The following ABCC12 variants were observed in gnomAD, a reference collection of about 807,000 sequenced individuals.
ABCC12 encodes the protein ATP-binding cassette sub-family C member 12.
Under a neutral mutation model 151.1 loss-of-function variants are expected in ABCC12, and 142 were observed. The ratio of observed to expected loss-of-function variants is 0.94; its 90% CI spans 0.82 to 1.08. ABCC12 has a LOEUF of 1.08. Among genes scored for constraint, ABCC12 ranks in the 50% least tolerant of loss-of-function variants. ABCC12 has a pLI of 0.00. For missense variants in ABCC12, 1,638 were observed against 1,691.1 expected (o/e 0.97, Z 0.55); for synonymous variants, 645 against 646.4 (o/e 1.00, Z 0.03).
chr16:48,136,433 TC>T (rs773069445), intron 8 of ABCC12, among the ~76,000 whole-genome samples: 2 of 151,972 alleles, frequency 1.3e-5, no homozygotes, highest in Non-Finnish European at 2.9e-5. Flanking sequence ...TCCTCCATCT[TC>T]CCCCATAGAA....
intron 24 of ABCC12, among the ~76,000 whole-genome samples, chr16:48,093,540 C>G (rs1962987607): frequency 6.6e-6 from 1 of 152,156 alleles, no homozygotes; most frequent in Non-Finnish European, 1.5e-5. Flanking sequence ...ATTTAAACAC[C>G]TTCTGAGCTT....
chr16:48,135,889 AC>A (rs1393144557), intron 8 of ABCC12, among the ~76,000 whole-genome samples: 1 of 151,914 alleles, frequency 6.6e-6, no homozygotes, highest in East Asian at 1.9e-4. Flanking sequence ...TTTGTCCTCA[AC>A]CCCAATTCCA....
chr16:48,092,390 C>T (rs972956872), intron 24 of ABCC12, among the ~76,000 whole-genome samples: 8 of 152,158 alleles, frequency 5.3e-5, no homozygotes, highest in Admixed American at 6.5e-5. Context: ...GAGCACACCT[C>T]GGAACTGTCC....
intron 24 of ABCC12, 59 bp downstream of exon 24, chr16:48,096,687 C>T (rs1010230017): frequency 1.3e-5 from 21 of 1,571,532 alleles, no homozygotes; most frequent in South Asian, 5.6e-5. Flanking sequence ...AAAGCACCCT[C>T]GCTGATGTAT....
intron 14 of ABCC12, 40 bp downstream of exon 14, chr16:48,117,221 T>C (rs1963911945): frequency 1.3e-6 from 2 of 1,589,174 alleles, no homozygotes; most frequent in East Asian, 4.5e-5. Flanking sequence ...AAATGTACTG[T>C]GTGCAGCTAC....
At chr16:48,090,526 G>C (rs1273901542) in intron 25 of ABCC12, among the ~76,000 whole-genome samples, 7 of 150,424 alleles carry the variant, frequency 4.7e-5, no homozygotes, top group Admixed American at 1.3e-4. Context: ...TTACAGGTGT[G>C]AGCCACTGAG....
intron 18 of ABCC12, 51 bp downstream of exon 18, chr16:48,111,385 T>C: frequency 1.3e-6 from 2 of 1,584,732 alleles, no homozygotes; most frequent in Non-Finnish European, 1.7e-6. Context: ...AAACGGTAGA[T>C]GCCCAATACA....
At chr16:48,102,561 C>T (rs1452326427) in intron 22 of ABCC12, among the ~76,000 whole-genome samples, 4 of 152,146 alleles carry the variant, frequency 2.6e-5, no homozygotes, top group Non-Finnish European at 5.9e-5. Flanking sequence ...AGGGTCACCA[C>T]GGGAACAGTG....
intron 8 of ABCC12, among the ~76,000 whole-genome samples, chr16:48,136,304 G>A (rs191856962): frequency 2.2e-4 from 34 of 152,168 alleles, no homozygotes; most frequent in East Asian, 5.8e-4. Flanking sequence ...TTCTCTGTGC[G>A]TCCCAATCCT....
rs775228799 is a variant in ABCC12, at chr16:48,115,598, G to A, written c.1806C>T (p.Asn602=). Residue 602 remains asparagine (N), a synonymous_variant, in exon 15 of 31, where the codon AAC becomes AAT. Transcript: ENST00000311303. ...TCCTCTGCCTCTGCCCCCCAGAGAG[G>A]TTGAGGCCCCGCTCCCCAATCTGTG... The part of the protein sequence containing the change: ...DLTEIGERGL[N]LSGGQRQRIS... The A allele has an allele frequency of 1.9e-6, 3 of 1,613,890 alleles. No individual in the cohort carries two copies. Among genetic ancestry groups the A allele is most frequent in the East Asian group, 4.5e-5 (2 of 44,864 alleles).
At chr16:48,138,070 T>C (rs1465049103) in intron 8 of ABCC12, among the ~76,000 whole-genome samples, 158 bp downstream of exon 8, 1 of 152,154 alleles carries the variant, frequency 6.6e-6, no homozygotes, top group African/African-American at 2.4e-5. Context: ...TATTATTAAA[T>C]CTCCATAATC....
intron 13 of ABCC12, among the ~76,000 whole-genome samples, chr16:48,118,503 C>T (rs1963965598): frequency 6.6e-6 from 1 of 152,234 alleles, no homozygotes; most frequent in Non-Finnish European, 1.5e-5. Context: ...TGCCTGCCTC[C>T]ACAGTGGCTG....
chr16:48,087,117 C>T, intron 27 of ABCC12: 1 of 325,692 alleles, frequency 3.1e-6, no homozygotes, highest in Non-Finnish European at 5.8e-6. Context: ...CTGGGCCTCT[C>T]AGCAGCCCCG....
At position 48,117,287 on chromosome 16, in the gene ABCC12, T is replaced by A. The variant is rs16945816; in HGVS notation, c.1759A>T (p.Asn587Tyr). Residue 587 changes from asparagine to tyrosine, a missense_variant, in exon 14 of 31, where the codon AAC (asparagine) becomes TAC (tyrosine). Coordinates refer to ENST00000311303, the MANE Select transcript of ABCC12 (RefSeq NM_001393797.1). ...TCAGTCAGGTCTCCATAGGGGAGGT[T>A]GCTCAGGTCCTTCTGGAGGCCACAG... ...RVCGLQKDLSNLPYGDLTEIG... is the reference protein window; with the variant it reads ...RVCGLQKDLSYLPYGDLTEIG... The A allele has an allele frequency of 6.0e-3, 9,695 of 1,613,890 alleles. 469 individuals carry two copies. In the African/African-American group the frequency reaches 0.11, roughly 19 times the overall value.
chr16:48,121,796 G>A lies in ABCC12; in HGVS notation c.1632C>T (p.Ala544=). Residue 544 remains alanine, a synonymous_variant, in exon 13 of 31, where the codon GCC becomes GCT. Transcript: ENST00000311303. ...AGATCCATGCCTGCTGTGAAACGTA[G>A]GCCAAAGTTCCATTGACTGCCACCA... ...KGVVAVNGTL[A]YVSQQAWIFH... is the part of the protein sequence containing the mutation. The A allele has an allele frequency of 6.2e-7, 1 of 1,614,168 alleles. No homozygotes were observed. Among genetic ancestry groups the A allele is most frequent in the Non-Finnish European group, 8.5e-7 (1 of 1,180,034 alleles).
intron 2 of ABCC12, among the ~76,000 whole-genome samples, chr16:48,150,278 G>A (rs1447263637): frequency 6.6e-6 from 1 of 152,106 alleles, no homozygotes; most frequent in African/African-American, 2.4e-5. Flanking sequence ...GGAATCTCAT[G>A]CAAAAAATAT....
intron 15 of ABCC12, among the ~76,000 whole-genome samples, chr16:48,113,649 A>C (rs145378522): frequency 6.6e-6 from 1 of 152,282 alleles, no homozygotes; most frequent in Non-Finnish European, 1.5e-5. Flanking sequence ...CTCCCTGACA[A>C]GGCACAGCAG....
intron 10 of ABCC12, among the ~76,000 whole-genome samples, chr16:48,129,322 C>G (rs1405438719): frequency 6.6e-6 from 1 of 152,214 alleles, no homozygotes; most frequent in Non-Finnish European, 1.5e-5. Flanking sequence ...AGAAGGGACA[C>G]TTGGCTCTCA....
intron 5 of ABCC12, 83 bp downstream of exon 5, chr16:48,141,123 C>T: frequency 1.3e-6 from 2 of 1,557,002 alleles, no homozygotes; most frequent in Non-Finnish European, 8.7e-7. Context: ...ACTAAACCCA[C>T]CAGCTCGTAG....
Sources: allele counts gnomAD v4.1 joint callset (sites outside exome capture counted in the v4.1 genomes callset), GRCh38; gene constraint gnomAD v4.1.1; transcripts MANE v1.5; gene names NCBI Gene and HGNC (gene_info 2026-07-23, HGNC 2026-07-21).